CCDC68: variants seen among roughly 807,000 people sequenced by gnomAD.
CCDC68 encodes coiled-coil domain containing 68.
Under a neutral mutation model 47.1 loss-of-function variants are expected in CCDC68, and 45 were observed. The observed-to-expected ratio is 0.96, with a 90% CI of 0.75 to 1.23. The LOEUF is 1.23. Ranked by LOEUF, CCDC68 falls within the 50% of genes most tolerant of loss-of-function variation. The pLI is 0.00. For synonymous variants in CCDC68, 131 were observed against 129.5 expected (o/e 1.01, Z -0.08); for missense variants, 353 against 373.6 (o/e 0.94, Z 0.45).
At chr18:54,918,097 T>C (rs2043987608) in intron 9 of CCDC68, 101 bp from the exon 10 acceptor site, 2 of 600,112 alleles carry the variant, frequency 3.3e-6, no homozygotes, top group Admixed American at 3.5e-5. Flanking sequence ...AAGATGTTCA[T>C]CAAATTAAAA....
chr18:54,919,954 A>G (rs1366224402), intron 8 of CCDC68, among the ~76,000 whole-genome samples: 5 of 152,246 alleles, frequency 3.3e-5, no homozygotes, highest in African/African-American at 4.8e-5. Flanking sequence ...AGAAGAAAGG[A>G]AGAAATTTAA....
intron 10 of CCDC68, among the ~76,000 whole-genome samples, chr18:54,913,700 C>T (rs2043894482): frequency 6.6e-6 from 1 of 151,956 alleles, no homozygotes; most frequent in African/African-American, 2.4e-5. Flanking sequence ...GTATTCCCAG[C>T]TACACAGAAG....
Position 54,934,832 on chromosome 18 carries a change from C to T in CCDC68, c.588G>A (p.Gln196=), listed in dbSNP as rs907419489. The T allele has an allele frequency of 1.9e-6, 3 of 1,550,014 alleles. No individual in the cohort carries two copies. Among genetic ancestry groups the T allele is most frequent in the Non-Finnish European group, 2.6e-6 (3 of 1,150,864 alleles). Residue 196 remains glutamine, a synonymous_variant, in exon 7 of 12, where the codon CAG becomes CAA. Coordinates refer to ENST00000591504, the MANE Select transcript of CCDC68 (RefSeq NM_025214.3). ...SQITELENLV[Q]RMEKEKRTLL... ...TCCAGGGGCGTACCTTTTCCATTCT[C>T]TGTACAAGGTTCTCCAATTCTGTAA...
In CCDC68 at chr18:54,958,739, G is replaced by T. The variant is rs185858576; in HGVS notation, c.-103+597C>A. ...TTCAGTAAGATAAGAGTGTTCCTTT[G>T]TCTAGCCGCCTAGCACTCTGTAACT... On this transcript the variant is annotated intron_variant, in intron 1 of 11. Transcript: ENST00000591504. Among the ~76,000 whole-genome samples the T allele has an allele frequency of 5.6e-3, 857 of 152,242 alleles. 41 individuals are homozygous for T. The highest frequency in any genetic ancestry group is 0.053 in the Admixed American group (817 of 15,290).
chr18:54,945,900 G>A (rs906673919), intron 1 of CCDC68, among the ~76,000 whole-genome samples: 2 of 152,166 alleles, frequency 1.3e-5, no homozygotes, highest in Admixed American at 1.3e-4. Context: ...CAGTGTGCTT[G>A]GAAGCCAGAG....
chr18:54,929,620 A>G (rs1157628233), intron 7 of CCDC68, among the ~76,000 whole-genome samples: 1 of 152,216 alleles, frequency 6.6e-6, no homozygotes, highest in Non-Finnish European at 1.5e-5. Flanking sequence ...CCAAGTTGGA[A>G]AGAATCAAGG....
intron 1 of CCDC68, among the ~76,000 whole-genome samples, chr18:54,950,931 C>G (rs1160299832): frequency 1.1e-5 from 1 of 87,438 alleles, no homozygotes. Flanking sequence ...TTTTTTGAGA[C>G]GGAGTCTCGC....
At chr18:54,954,977 C>G (rs1254925820) in intron 1 of CCDC68, among the ~76,000 whole-genome samples, 1 of 140,870 alleles carries the variant, frequency 7.1e-6, no homozygotes, top group African/African-American at 2.5e-5. Context: ...ATCTTCTTTT[C>G]AAATTGTAGA....
chr18:54,957,793 T>C (rs780717664), intron 1 of CCDC68, among the ~76,000 whole-genome samples: 1 of 152,248 alleles, frequency 6.6e-6, no homozygotes, highest in African/African-American at 2.4e-5. Context: ...AATTTTGATG[T>C]AAATATCTCA....
rs1035801908 is a variant in CCDC68 at position 54,902,657 on chromosome 18, T to C, written c.*1701A>G. 2.6e-5 allele frequency: 4 copies of C among 152,258 alleles called. No individual in the cohort carries two copies. The highest frequency in any genetic ancestry group is 9.6e-5 in the African/African-American group (4 of 41,474). 9.4% of individuals were successfully genotyped at this position (152,258 alleles called of 1,614,324 possible). A position where few individuals can be genotyped will look rare whatever the true frequency, so the allele number is the denominator to read the frequency against. On this transcript the variant is annotated 3_prime_UTR_variant, in exon 12 of 12. Transcript: ENST00000591504. ...AAATATTGATTTTATCAGTATTTGT[T>C]GTTTCTTACTGTCATCCACAAAATA... is the stretch of plus-strand genomic sequence containing the variant.
At chr18:54,910,918 A>AG (rs564026270) in intron 10 of CCDC68, among the ~76,000 whole-genome samples, 53 of 152,322 alleles carry the variant, frequency 3.5e-4, no homozygotes, top group African/African-American at 5.3e-4. Flanking sequence ...TGCAAGGGCA[A>AG]GGGGGGCCTT....
At chr18:54,930,066 G>C (rs2044216507) in intron 7 of CCDC68, among the ~76,000 whole-genome samples, 2 of 152,128 alleles carry the variant, frequency 1.3e-5, no homozygotes, top group Non-Finnish European at 1.5e-5. Flanking sequence ...CTGTCCGGTA[G>C]AAGACATAAT....
chr18:54,909,067 C>T (rs890905799), intron 10 of CCDC68, among the ~76,000 whole-genome samples: 11 of 152,294 alleles, frequency 7.2e-5, no homozygotes, highest in Admixed American at 1.3e-4. Context: ...TGCCCCACAT[C>T]CTATTCATGC....
intron 7 of CCDC68, 68 bp from the exon 8 acceptor site, chr18:54,928,950 C>G: frequency 1.2e-6 from 1 of 817,260 alleles, no homozygotes; most frequent in Non-Finnish European, 2.1e-6. Context: ...TTCCTCTTGT[C>G]ATACTATAAC....
At chr18:54,927,067 C>A (rs1383594047) in intron 8 of CCDC68, among the ~76,000 whole-genome samples, 1 of 152,116 alleles carries the variant, frequency 6.6e-6, no homozygotes. Flanking sequence ...CAGAAACTGT[C>A]TTTTTTGTAG....
chr18:54,934,956 C>A lies in CCDC68; in HGVS notation c.472-8G>T. 1.9e-6 allele frequency: 3 copies of A among 1,572,242 alleles called. No homozygotes were observed. The highest frequency in any genetic ancestry group is 2.4e-5 in the South Asian group (2 of 84,064). ...TTTTTCAAGCTTGTTAACCTATGGT[C>A]AGAGAATCAGTTGTGTTGTGAAAAC... On this transcript the variant is annotated splice_polypyrimidine_tract_variant and splice_region_variant and intron_variant, in intron 6 of 11. Coordinates refer to ENST00000591504, the MANE Select transcript of CCDC68 (RefSeq NM_025214.3).
intron 6 of CCDC68, among the ~76,000 whole-genome samples, chr18:54,936,154 TTTA>T: frequency 6.9e-6 from 1 of 145,604 alleles, no homozygotes; most frequent in African/African-American, 2.5e-5. Context: ...TATATATTTA[TTTA>T]TTATATTAGA....
intron 7 of CCDC68, among the ~76,000 whole-genome samples, chr18:54,933,758 AC>A (rs1354350352): frequency 6.6e-6 from 1 of 152,244 alleles, no homozygotes; most frequent in African/African-American, 2.4e-5. Context: ...CACATAATAC[AC>A]ATGCAGCTGA....
At chr18:54,929,400 G>A (rs929523543) in intron 7 of CCDC68, among the ~76,000 whole-genome samples, 6 of 152,194 alleles carry the variant, frequency 3.9e-5, no homozygotes, top group Non-Finnish European at 8.8e-5. Flanking sequence ...TAGGATACAG[G>A]AGAAACTGAG....
Sources: allele counts gnomAD v4.1 joint callset (sites outside exome capture counted in the v4.1 genomes callset), GRCh38; gene constraint gnomAD v4.1.1; transcripts MANE v1.5; gene names NCBI Gene and HGNC (gene_info 2026-07-23, HGNC 2026-07-21).